The following KRIT1 variants were observed in gnomAD, a reference collection of about 807,000 sequenced individuals.
KRIT1 encodes the protein krev interaction trapped protein 1.
In KRIT1, 45 loss-of-function variants were observed where a neutral mutation model predicts 95.8. The ratio of observed to expected loss-of-function variants is 0.47; its 90% CI spans 0.37 to 0.60. KRIT1 has a LOEUF of 0.60. Among genes scored for constraint, KRIT1 ranks in the 20% least tolerant of loss-of-function variants. The pLI is 0.00. For missense variants in KRIT1, 788 were observed against 877.5 expected, an observed-to-expected ratio of 0.90 and a Z score of 1.29; for synonymous variants, 282 against 278.8, an observed-to-expected ratio of 1.01 and a Z score of -0.11.
intron 15 of KRIT1, among the ~76,000 whole-genome samples, chr7:92,214,396 G>T (rs1177873380): frequency 6.6e-6 from 1 of 151,980 alleles, no homozygotes; most frequent in Non-Finnish European, 1.5e-5. Context: ...AAAATATAAA[G>T]TATATCAAAC....
intron 10 of KRIT1, among the ~76,000 whole-genome samples, chr7:92,229,530 C>T (rs1796863235): frequency 6.6e-6 from 1 of 152,118 alleles, no homozygotes; most frequent in Non-Finnish European, 1.5e-5. Flanking sequence ...AGCCAAGAGA[C>T]ATATGAAAAA....
At chr7:92,222,374 A>C (rs371456083) in intron 13 of KRIT1, among the ~76,000 whole-genome samples, 18 of 152,332 alleles carry the variant, frequency 1.2e-4, no homozygotes, top group African/African-American at 4.3e-4. Context: ...TTAAATAACC[A>C]ATCACATCGA....
In KRIT1 at chr7:92,213,889, T is replaced by C. The variant is rs1342683119; in HGVS notation, c.1818+3A>G. ...GTCTTTTCATTTCTATTAAACAGCT[T>C]ACCTTGTATTCATGAAGTATGCGAT... is the stretch of plus-strand genomic sequence containing the variant. On this transcript the variant is annotated splice_donor_region_variant and intron_variant, in intron 16 of 18. Coordinates refer to ENST00000394505, the MANE Select transcript of KRIT1 (RefSeq NM_194454.3). 1 of 1,548,864 alleles carries C rather than the reference T, an allele frequency of 6.5e-7. No individual in the cohort carries two copies. The highest frequency in any genetic ancestry group is 1.4e-5 in the African/African-American group (1 of 73,684).
Position 92,244,926 on chromosome 7 carries a change from G to C in KRIT1, c.-175C>G, listed in dbSNP as rs1418494418. On this transcript the variant is annotated 5_prime_UTR_variant, in exon 2 of 19. Coordinates refer to ENST00000394505, the MANE Select transcript of KRIT1 (RefSeq NM_194454.3). Reference sequence around the variant, plus strand: ...CCTGGGATCACTGGAAAATATGGAGGGCATTTCTGGTTGTCACTATGACTG... The same window carrying C: ...CCTGGGATCACTGGAAAATATGGAGCGCATTTCTGGTTGTCACTATGACTG... 6.6e-6 allele frequency: 1 copy of C among 152,118 alleles called. No individual in the cohort carries two copies. The highest frequency in any genetic ancestry group is 1.5e-5 in the Non-Finnish European group (1 of 68,062). 9.4% of individuals were successfully genotyped at this position (152,118 alleles called of 1,614,324 possible). A position where few individuals can be genotyped will look rare whatever the true frequency, so the allele number is the denominator to read the frequency against.
intron 14 of KRIT1, among the ~76,000 whole-genome samples, chr7:92,217,909 C>G (rs1794320931): frequency 6.6e-6 from 1 of 152,086 alleles, no homozygotes; most frequent in Non-Finnish European, 1.5e-5. Flanking sequence ...TACATTTTTA[C>G]CAGCTCATTA....
chr7:92,236,525 A>G lies in KRIT1; in HGVS notation c.373T>C (p.Tyr125His), dbSNP rs758062997. 3.2e-6 allele frequency: 5 copies of G among 1,547,482 alleles called. No individual in the cohort carries two copies. The highest frequency in any genetic ancestry group is 1.1e-5 in the South Asian group (1 of 89,742). ...SVVKDNTKYT[Y>H]TPGCPIFYCL... Reference sequence around the variant, plus strand: ...TAAAAAATTGGGCATCCTGGGGTATATGTGTATTTAGTATTATCTGAAAAA... The same window carrying G: ...TAAAAAATTGGGCATCCTGGGGTATGTGTGTATTTAGTATTATCTGAAAAA... The change falls in exon 7 of 19, where the codon TAT becomes CAT. Residue 125 changes from tyrosine (Y) to histidine (H), a missense_variant. Tyr to His is a moderately conservative substitution (Grantham distance 83, BLOSUM62 2). Transcript: ENST00000394505.
chr7:92,209,281 A>C lies in KRIT1; in HGVS notation c.2025+3914T>G, dbSNP rs150131357. 1.7e-3 allele frequency among the ~76,000 whole-genome samples: 265 copies of C among 152,322 alleles called. 1 individual carries two copies. The highest frequency in any genetic ancestry group is 6.2e-3 in the African/African-American group (257 of 41,574). On this transcript the variant is annotated intron_variant, in intron 17 of 18. Coordinates refer to ENST00000394505, the MANE Select transcript of KRIT1 (RefSeq NM_194454.3). ...AAAGCTGAAAGCCTTTCTTATAAGA[A>C]CTAGAATAAGACAAGGATACCCCAC...
At chr7:92,230,805 G>C (rs1011509510) in intron 10 of KRIT1, among the ~76,000 whole-genome samples, 2 of 152,136 alleles carry the variant, frequency 1.3e-5, no homozygotes, top group East Asian at 3.8e-4. Context: ...CATTTCTGAC[G>C]CCTTAAATTT....
At chr7:92,234,400 A>AT (rs1797963718) in intron 10 of KRIT1, 49 bp downstream of exon 10, 2 of 1,367,570 alleles carry the variant, frequency 1.5e-6, no homozygotes, top group East Asian at 4.8e-5. Flanking sequence ...AACATTTATA[A>AT]TAAAAAATGT....
At chr7:92,227,181 T>C (rs532240178) in intron 10 of KRIT1, among the ~76,000 whole-genome samples, 1 of 152,334 alleles carries the variant, frequency 6.6e-6, no homozygotes, top group Admixed American at 6.5e-5. Context: ...CCCTGAATGG[T>C]TTACAGTGTA....
chr7:92,207,641 G>C (rs560908889), intron 17 of KRIT1, among the ~76,000 whole-genome samples: 9 of 152,318 alleles, frequency 5.9e-5, no homozygotes, highest in East Asian at 1.9e-4. Flanking sequence ...TGGATCACCT[G>C]AGGCCAGGAG....
chr7:92,209,023 G>A (rs530253987), intron 17 of KRIT1, among the ~76,000 whole-genome samples: 1 of 152,074 alleles, frequency 6.6e-6, no homozygotes, highest in Non-Finnish European at 1.5e-5. Context: ...TGCCCGGGAG[G>A]TGAGGATGAT....
At chr7:92,228,823 A>G (rs926032950) in intron 10 of KRIT1, among the ~76,000 whole-genome samples, 5 of 152,084 alleles carry the variant, frequency 3.3e-5, no homozygotes, top group African/African-American at 7.2e-5. Context: ...GCTCCCACGT[A>G]TAAGTGGGAA....
chr7:92,222,766 C>T, intron 13 of KRIT1, 56 bp downstream of exon 13: 1 of 1,045,154 alleles, frequency 9.6e-7, no homozygotes, highest in Non-Finnish European at 1.5e-6. Flanking sequence ...TTTCTACCAA[C>T]CCACTCCCAA....
intron 14 of KRIT1, among the ~76,000 whole-genome samples, chr7:92,215,854 A>G (rs1793860887): frequency 6.6e-6 from 1 of 152,108 alleles, no homozygotes; most frequent in African/African-American, 2.4e-5. Context: ...CTACTTGTAC[A>G]AAGTCACCGG....
At chr7:92,235,363 A>C (rs893016496) in intron 8 of KRIT1, 40 bp downstream of exon 8, 1 of 1,601,346 alleles carries the variant, frequency 6.2e-7, no homozygotes, top group Middle Eastern at 1.9e-4. Context: ...TTGAGATAAA[A>C]CGTCTTTTAA....
chr7:92,236,473 C>G lies in KRIT1; in HGVS notation c.425G>C (p.Cys142Ser). 1 of 1,592,766 alleles carries G rather than the reference C, an allele frequency of 6.3e-7. No homozygotes were observed. Among genetic ancestry groups the G allele is most frequent in the Non-Finnish European group, 8.6e-7 (1 of 1,160,866 alleles). The change falls in exon 7 of 19, where the codon TGT (cysteine) becomes TCT (serine). Residue 142 changes from cysteine (C) to serine (S), a missense_variant. Cys to Ser is a moderately radical substitution (Grantham distance 112). This residue lies in a region of KRIT1 where 289 missense variants were observed against 277.5 expected (regional missense o/e 1.04). Coordinates refer to ENST00000394505, the MANE Select transcript of KRIT1 (RefSeq NM_194454.3). ...AGCAAAATGAGTACTGGATTCACTA[C>G]AGACTCGCATAATATCTTGTAAGCA... ...FYCLQDIMRV[C>S]SESSTHFATL...
chr7:92,214,917 T>G (rs1432644902), intron 14 of KRIT1, 140 bp from the exon 15 acceptor site: 2 of 660,742 alleles, frequency 3.0e-6, no homozygotes, highest in Non-Finnish European at 5.3e-6. Context: ...GCAAACATTT[T>G]TTTATTAAGG....
chr7:92,222,815 T>C lies in KRIT1; in HGVS notation c.1411+7A>G, dbSNP rs1354823570. ...GGTTTACTATAACATAATAAAAACT[T>C]TCTTACTGAGGTTTTCTGAACAAAT... On this transcript the variant is annotated splice_region_variant and intron_variant, in intron 13 of 18. Coordinates refer to ENST00000394505, the MANE Select transcript of KRIT1 (RefSeq NM_194454.3). 2 of 1,578,646 alleles carry C rather than the reference T, an allele frequency of 1.3e-6. No homozygotes were observed. The highest frequency in any genetic ancestry group is 1.7e-6 in the Non-Finnish European group (2 of 1,148,378).
Sources: allele counts gnomAD v4.1 joint callset (sites outside exome capture counted in the v4.1 genomes callset), GRCh38; gene constraint gnomAD v4.1.1; regional missense constraint gnomAD v4.1.1; transcripts MANE v1.5; gene names NCBI Gene and HGNC (gene_info 2026-07-23, HGNC 2026-07-21).